Variants in KCND3 observed in about 807,000 individuals in gnomAD.
The protein encoded by KCND3 is A-type voltage-gated potassium channel KCND3.
In KCND3, 9 loss-of-function variants were observed where a neutral mutation model predicts 51.1. The ratio of observed to expected loss-of-function variants is 0.18; its 90% CI spans 0.11 to 0.31. The LOEUF is 0.31. Among genes scored for constraint, KCND3 ranks in the 10% least tolerant of loss-of-function variants. KCND3 has a pLI of 1.00. For synonymous variants in KCND3, 349 were observed against 368.0 expected (o/e 0.95, Z 0.59); for missense variants, 526 against 903.8 (o/e 0.58, Z 5.36).
rs1663953610 is a variant in KCND3 at position 111,772,187 on chromosome 1, A to T, written c.*3890T>A. 6.6e-6 allele frequency: 1 copy of T among 152,172 alleles called. No homozygotes were observed. Among genetic ancestry groups the T allele is most frequent in the South Asian group, 2.1e-4 (1 of 4,822 alleles). The allele number at this position is 152,172 out of a possible 1,614,324, so 9.4% of individuals were successfully genotyped here. On this transcript the variant is annotated 3_prime_UTR_variant, in exon 8 of 8. Coordinates refer to ENST00000302127, the MANE Select transcript of KCND3 (RefSeq NM_001378969.1). ...TAGCTACTTTACCTACTACCATCAC[A>T]GACTGTCATAAGAACCACAAGGAGT...
chr1:111,873,785 T>C (rs1668933741), intron 2 of KCND3, among the ~76,000 whole-genome samples: 1 of 152,072 alleles, frequency 6.6e-6, no homozygotes, highest in South Asian at 2.1e-4. Context: ...ATGGTTAATA[T>C]GCAAATATAG....
At chr1:111,897,537 T>C (rs1013421515) in intron 2 of KCND3, among the ~76,000 whole-genome samples, 3 of 152,176 alleles carry the variant, frequency 2.0e-5, no homozygotes, top group African/African-American at 4.8e-5. Context: ...TGAACGTGCG[T>C]GGGGCACAGG....
intron 2 of KCND3, among the ~76,000 whole-genome samples, chr1:111,854,310 AG>A (rs1370564254): frequency 1.3e-5 from 2 of 152,208 alleles, no homozygotes; most frequent in Admixed American, 6.5e-5. Flanking sequence ...TAAACTAAAA[AG>A]TTTCATTGTT....
At chr1:111,819,425 T>G (rs1440263650) in intron 2 of KCND3, among the ~76,000 whole-genome samples, 1 of 151,896 alleles carries the variant, frequency 6.6e-6, no homozygotes, top group African/African-American at 2.4e-5. Context: ...AGAAAGCTCA[T>G]TAATGTCTCT....
At chr1:111,923,081 T>G (rs1203492109) in intron 2 of KCND3, among the ~76,000 whole-genome samples, 2 of 152,162 alleles carry the variant, frequency 1.3e-5, no homozygotes, top group African/African-American at 4.8e-5. Context: ...TTGCCTGACC[T>G]CTCAATCTCA....
intron 2 of KCND3, among the ~76,000 whole-genome samples, chr1:111,963,129 A>G (rs1296461396): frequency 6.6e-6 from 1 of 152,238 alleles, no homozygotes; most frequent in Non-Finnish European, 1.5e-5. Flanking sequence ...ATATCAGCTA[A>G]GCCAGACCAG....
At chr1:111,849,141 TG>T (rs1557976319) in intron 2 of KCND3, among the ~76,000 whole-genome samples, 1 of 152,208 alleles carries the variant, frequency 6.6e-6, no homozygotes, top group Non-Finnish European at 1.5e-5. Context: ...CCTCAGAGAC[TG>T]GTGGTGTATT....
intron 2 of KCND3, among the ~76,000 whole-genome samples, chr1:111,885,102 C>G (rs754374439): frequency 2.0e-4 from 30 of 152,156 alleles, no homozygotes; most frequent in Non-Finnish European, 4.0e-4. Flanking sequence ...AATCAGGAAG[C>G]TTCTCTACAC....
At chr1:111,841,519 A>AGCAT (rs1366799752) in intron 2 of KCND3, among the ~76,000 whole-genome samples, 1 of 152,258 alleles carries the variant, frequency 6.6e-6, no homozygotes, top group Non-Finnish European at 1.5e-5. Context: ...CTCTAGAATC[A>AGCAT]GCATGCTCAA....
rs529980717 is a variant in KCND3, at chr1:111,985,708, C to T, written c.-72-2910G>A. The stretch of plus-strand genomic sequence containing the variant: ...CCAATTCAAGTATCTGCCTCTGACT[C>T]ACTCAGTCGAGTTTTCTAAAGAAGC... On this transcript the variant is annotated intron_variant, in intron 1 of 7. Coordinates refer to ENST00000302127, the MANE Select transcript of KCND3 (RefSeq NM_001378969.1). 5.3e-5 allele frequency among the ~76,000 whole-genome samples: 8 copies of T among 152,358 alleles called. No individual in the cohort carries two copies. In the South Asian group the frequency reaches 1.4e-3, roughly 28 times the overall value.
At chr1:111,932,173 G>C (rs1363954980) in intron 2 of KCND3, among the ~76,000 whole-genome samples, 1 of 152,116 alleles carries the variant, frequency 6.6e-6, no homozygotes, top group Non-Finnish European at 1.5e-5. Flanking sequence ...GATAACCCAG[G>C]AAACTCTCCC....
At chr1:111,979,873 A>T (rs1008518428) in intron 2 of KCND3, among the ~76,000 whole-genome samples, 2 of 152,162 alleles carry the variant, frequency 1.3e-5, no homozygotes, top group Non-Finnish European at 2.9e-5. Context: ...TTTCCTCCAC[A>T]TGGCTATCCT....
intron 2 of KCND3, among the ~76,000 whole-genome samples, chr1:111,974,938 G>A (rs1330482737): frequency 2.0e-5 from 3 of 152,326 alleles, no homozygotes; most frequent in African/African-American, 4.8e-5. Flanking sequence ...TGATGCTCCC[G>A]GTGTGAAGCA....
Position 111,869,045 on chromosome 1 carries a change from C to T in KCND3, c.1107-81939G>A, listed in dbSNP as rs564945039. On this transcript the variant is annotated intron_variant, in intron 2 of 7. Transcript: ENST00000302127. ...GGATTCCTTGACTCCAAGGCCTGTC[C>T]CCTTAAGCTCCACACCATACTTCCT... Among the ~76,000 whole-genome samples the T allele has an allele frequency of 3.3e-3, 500 of 152,236 alleles. 7 individuals carry two copies. Among genetic ancestry groups the T allele is most frequent in the African/African-American group, 0.012 (489 of 41,534 alleles).
intron 2 of KCND3, among the ~76,000 whole-genome samples, chr1:111,880,989 C>T (rs1318733102): frequency 2.0e-5 from 3 of 152,194 alleles, no homozygotes; most frequent in African/African-American, 2.4e-5. Context: ...CTTCCCAACA[C>T]GACCTCCTCT....
chr1:111,919,767 C>A (rs1303281521), intron 2 of KCND3, among the ~76,000 whole-genome samples: 1 of 152,186 alleles, frequency 6.6e-6, no homozygotes, highest in African/African-American at 2.4e-5. Flanking sequence ...AACACTCTTA[C>A]CACAGGATAA....
chr1:111,799,363 C>T (rs1665191458), intron 2 of KCND3, among the ~76,000 whole-genome samples: 1 of 152,120 alleles, frequency 6.6e-6, no homozygotes, highest in African/African-American at 2.4e-5. Context: ...CAAAGATTAG[C>T]AAGCAACAGA....
intron 2 of KCND3, among the ~76,000 whole-genome samples, chr1:111,965,438 C>CCACCCA (rs1553184423): frequency 5.5e-5 from 4 of 72,420 alleles, no homozygotes; most frequent in Admixed American, 1.8e-4. Flanking sequence ...GCCAGCAAAA[C>CCACCCA]CACACACACA....
At chr1:111,892,059 G>A (rs1015779708) in intron 2 of KCND3, among the ~76,000 whole-genome samples, 1 of 152,182 alleles carries the variant, frequency 6.6e-6, no homozygotes, top group Non-Finnish European at 1.5e-5. Context: ...TCTTACAAGA[G>A]AGGGCTGTTC....
Sources: allele counts gnomAD v4.1 joint callset (sites outside exome capture counted in the v4.1 genomes callset), GRCh38; gene constraint gnomAD v4.1.1; transcripts MANE v1.5; gene names NCBI Gene and HGNC (gene_info 2026-07-23, HGNC 2026-07-21).